Variants in STK3 observed in about 807,000 individuals in gnomAD.
The protein encoded by STK3 is serine/threonine-protein kinase 3.
STK3 carries 41 observed loss-of-function variants against 58.0 expected under a neutral mutation model. The observed-to-expected ratio is 0.71, with a 90% CI of 0.55 to 0.92. STK3 has a LOEUF of 0.92. Among genes scored for constraint, STK3 ranks in the 40% least tolerant of loss-of-function variants. The pLI is 0.00. For synonymous variants in STK3, 170 were observed against 191.0 expected (o/e 0.89, Z 0.91); for missense variants, 479 against 602.7 (o/e 0.79, Z 2.15).
intron 10 of STK3, among the ~76,000 whole-genome samples, chr8:98,523,781 T>C (rs1409213159): frequency 6.6e-6 from 1 of 152,140 alleles, no homozygotes; most frequent in Admixed American, 6.6e-5. Context: ...AGATATATGA[T>C]TTACAAATGT....
At chr8:98,613,456 A>C (rs1050839235) in intron 6 of STK3, among the ~76,000 whole-genome samples, 1 of 152,224 alleles carries the variant, frequency 6.6e-6, no homozygotes, top group Non-Finnish European at 1.5e-5. Flanking sequence ...TCAATGAACA[A>C]TCATGAAAAT....
intron 6 of STK3, among the ~76,000 whole-genome samples, chr8:98,648,411 T>C (rs1188070028): frequency 2.6e-5 from 4 of 152,208 alleles, no homozygotes; most frequent in Non-Finnish European, 5.9e-5. Context: ...AAAAGATCCT[T>C]GCTTTGAAAA....
chr8:98,703,902 C>T (rs946317773), intron 6 of STK3, among the ~76,000 whole-genome samples: 1 of 152,130 alleles, frequency 6.6e-6, no homozygotes, highest in Admixed American at 6.6e-5. Flanking sequence ...CACTATACCC[C>T]CCACAAAACT....
At chr8:98,558,006 T>C (rs1159572609) in intron 8 of STK3, among the ~76,000 whole-genome samples, 1 of 152,116 alleles carries the variant, frequency 6.6e-6, no homozygotes, top group East Asian at 1.9e-4. Flanking sequence ...AACAAAAGAT[T>C]ACCTTACATC....
intron 1 of STK3, chr8:98,883,930 T>G: frequency 1.9e-6 from 1 of 533,716 alleles, no homozygotes. Context: ...CTTCAGCATG[T>G]TGGGAACAGG....
At chr8:98,673,101 A>G (rs1365843541) in intron 6 of STK3, among the ~76,000 whole-genome samples, 1 of 152,216 alleles carries the variant, frequency 6.6e-6, no homozygotes, top group Non-Finnish European at 1.5e-5. Flanking sequence ...TGGCTTCTAA[A>G]CTTTCTCATA....
intron 4 of STK3, chr8:98,720,944 A>T: frequency 3.5e-6 from 1 of 283,708 alleles, no homozygotes; most frequent in Non-Finnish European, 5.3e-6. Context: ...CAGTAAAAAA[A>T]AATCATCCCT....
chr8:98,936,150 G>A (rs1840188794), intron 1 of STK3, among the ~76,000 whole-genome samples: 3 of 151,986 alleles, frequency 2.0e-5, no homozygotes, highest in Admixed American at 2.0e-4. Context: ...GATCTCCTAA[G>A]CTTGTGATCC....
At chr8:98,939,203 A>AGT (rs1316297010) in intron 1 of STK3, among the ~76,000 whole-genome samples, 7 of 152,230 alleles carry the variant, frequency 4.6e-5, no homozygotes, top group Non-Finnish European at 7.3e-5. Context: ...GAGTGAAGGA[A>AGT]GAAGGAAGAG....
At chr8:98,452,757 ATTTT>A (rs11329886), downstream of STK3, among the ~76,000 whole-genome samples, 13 of 110,448 alleles carry the variant, frequency 1.2e-4, no homozygotes, top group Non-Finnish European at 1.3e-4. Flanking sequence ...AGACTTGAAG[ATTTT>A]TTTTTTTTTT....
chr8:98,507,478 T>C (rs541593029), intron 10 of STK3, among the ~76,000 whole-genome samples: 29 of 152,382 alleles, frequency 1.9e-4, no homozygotes, highest in Non-Finnish European at 2.9e-4. Context: ...TTTGCCCGGA[T>C]GACTGCTTCT....
At chr8:98,883,809 T>C (rs1275376401) in exon 2 of STK3, 1 of 682,860 alleles carries the variant, frequency 1.5e-6, no homozygotes, top group Non-Finnish European at 2.7e-6. Flanking sequence ...TTTTTCCAAA[T>C]TCCTGAAGAA....
At chr8:98,497,918 G>C (rs568902314) in intron 10 of STK3, among the ~76,000 whole-genome samples, 1 of 152,196 alleles carries the variant, frequency 6.6e-6, no homozygotes, top group East Asian at 1.9e-4. Context: ...ATATTATTCA[G>C]CAATTCTTCT....
At chr8:98,788,462 C>CAAA (rs371210857) in intron 1 of STK3, among the ~76,000 whole-genome samples, 105 of 143,028 alleles carry the variant, frequency 7.3e-4, no homozygotes, top group African/African-American at 2.5e-3. Context: ...AACAAACAAA[C>CAAA]AAAAAAAAAA....
chr8:98,534,822 C>T (rs558391498), intron 9 of STK3, among the ~76,000 whole-genome samples: 5 of 152,140 alleles, frequency 3.3e-5, no homozygotes, highest in African/African-American at 9.6e-5. Context: ...CCATTTCTGC[C>T]CCATTTTGTA....
chr8:98,796,473 T>A (rs1040782092), intron 1 of STK3, among the ~76,000 whole-genome samples: 1 of 152,004 alleles, frequency 6.6e-6, no homozygotes, highest in South Asian at 2.1e-4. Context: ...TAACTCAAGA[T>A]AGATTAAAGA....
the STK3 span, among the ~76,000 whole-genome samples, chr8:98,365,344 A>G: frequency 6.6e-6 from 1 of 152,232 alleles, no homozygotes; most frequent in South Asian, 2.1e-4. Context: ...GAGACAAGAT[A>G]AAAAGGTCCT....
At chr8:98,928,513 G>A (rs1839890096) in intron 1 of STK3, among the ~76,000 whole-genome samples, 1 of 152,230 alleles carries the variant, frequency 6.6e-6, no homozygotes, top group African/African-American at 2.4e-5. Context: ...GGAATAGCTA[G>A]ACAGATTCAA....
intron 1 of STK3, among the ~76,000 whole-genome samples, chr8:98,919,899 TG>T (rs1839491092): frequency 6.6e-6 from 1 of 152,152 alleles, no homozygotes; most frequent in Non-Finnish European, 1.5e-5. Context: ...ACAAAAATGT[TG>T]GGGGGAGGGA....
Sources: allele counts gnomAD v4.1 joint callset (sites outside exome capture counted in the v4.1 genomes callset), GRCh38; gene constraint gnomAD v4.1.1; transcripts MANE v1.5; gene names NCBI Gene and HGNC (gene_info 2026-07-23, HGNC 2026-07-21).